Variants in RAD51AP1 observed in about 807,000 individuals in gnomAD.
RAD51AP1 encodes the protein RAD51 associated protein 1.
In RAD51AP1, 14 loss-of-function variants were observed where a neutral mutation model predicts 34.3. The ratio of observed to expected loss-of-function variants is 0.41; its 90% CI spans 0.27 to 0.64. RAD51AP1 has a LOEUF of 0.64. RAD51AP1 is among the 30% of genes least tolerant of loss of function. RAD51AP1 has a pLI of 0.33. For synonymous variants in RAD51AP1, 114 were observed against 129.8 expected (o/e 0.88, Z 0.83); for missense variants, 348 against 386.9 (o/e 0.90, Z 0.84).
intron 3 of RAD51AP1, 70 bp downstream of exon 3, chr12:4,543,974 C>T (rs966305380): frequency 4.6e-6 from 6 of 1,294,492 alleles, no homozygotes; most frequent in Non-Finnish European, 6.2e-6. Flanking sequence ...CAGATTCGAA[C>T]CCTTGATTTA....
intron 7 of RAD51AP1, among the ~76,000 whole-genome samples, chr12:4,554,117 C>G (rs1565527188): frequency 6.6e-6 from 1 of 151,948 alleles, no homozygotes; most frequent in Non-Finnish European, 1.5e-5. Context: ...AAGTGGTTCT[C>G]ACTGGGCTAA....
intron 2 of RAD51AP1, 110 bp downstream of exon 2, chr12:4,542,043 G>T: frequency 1.9e-6 from 1 of 536,246 alleles, no homozygotes. Context: ...TGCATATGAG[G>T]TAGGTCTGGA....
chr12:4,542,487 G>A (rs939517043), intron 2 of RAD51AP1, among the ~76,000 whole-genome samples: 4 of 151,786 alleles, frequency 2.6e-5, no homozygotes, highest in Admixed American at 6.6e-5. Context: ...GTAAGTCTTC[G>A]GTTTGAAGGA....
chr12:4,556,407 C>CA lies in RAD51AP1; in HGVS notation c.782dup (p.Val262GlyfsTer9). ...GTCAAATCAGAATCTCAGTCCTTGCCAAAAAAGGTTTCTCTGTCTTCAGAT... is the reference window on the plus strand; with the variant it reads ...GTCAAATCAGAATCTCAGTCCTTGCCAAAAAAAGGTTTCTCTGTCTTCAGAT... On this transcript the variant is annotated frameshift_variant, in exon 8 of 9. Transcript: ENST00000352618. LOFTEE classifies it high-confidence loss of function. 2 of 1,613,618 alleles carry CA rather than the reference C, an allele frequency of 1.2e-6. No individual in the cohort carries two copies. Among genetic ancestry groups the CA allele is most frequent in the Non-Finnish European group, 8.5e-7 (1 of 1,179,696 alleles).
At chr12:4,548,005 A>C in intron 4 of RAD51AP1, 87 bp from the exon 5 acceptor site, 1 of 1,307,304 alleles carries the variant, frequency 7.6e-7, no homozygotes, top group East Asian at 2.6e-5. Flanking sequence ...TTATATCTAA[A>C]TGCTATTACA....
intron 6 of RAD51AP1, 143 bp downstream of exon 6, chr12:4,548,979 T>C: frequency 1.2e-6 from 1 of 846,436 alleles, no homozygotes; most frequent in Non-Finnish European, 1.7e-6. Context: ...AATTCAGTGA[T>C]AGCATTTGGG....
chr12:4,545,792 G>A, intron 3 of RAD51AP1: 1 of 1,613,184 alleles, frequency 6.2e-7, no homozygotes, highest in Non-Finnish European at 8.5e-7. Context: ...ACTCCCTGAA[G>A]GTACTTTTAG....
Position 4,556,346 on chromosome 12 carries a change from A to T in RAD51AP1, c.722-7A>T. On this transcript the variant is annotated splice_polypyrimidine_tract_variant and splice_region_variant and intron_variant, in intron 7 of 8. Coordinates refer to ENST00000352618, the MANE Select transcript of RAD51AP1 (RefSeq NM_006479.5). ...ACAAACATTTTTACGTATATTTTTC[A>T]AATAAGTGACTTCGGTGGACTCTGC... 6.2e-7 allele frequency: 1 copy of T among 1,605,228 alleles called. No individual in the cohort carries two copies. The highest frequency in any genetic ancestry group is 8.5e-7 in the Non-Finnish European group (1 of 1,175,510).
In RAD51AP1 at chr12:4,558,994, G is replaced by A; in HGVS notation, c.*1G>A. ...GCATCCAAATGCCACTAGCACCTGA[G>A]TGTGGTACAGGAGGAATGTTTGGTT... On this transcript the variant is annotated 3_prime_UTR_variant, in exon 9 of 9. Coordinates refer to ENST00000352618, the MANE Select transcript of RAD51AP1 (RefSeq NM_006479.5). 6.2e-7 allele frequency: 1 copy of A among 1,613,922 alleles called. No individual in the cohort carries two copies. The highest frequency in any genetic ancestry group is 8.5e-7 in the Non-Finnish European group (1 of 1,179,878).
intron 6 of RAD51AP1, among the ~76,000 whole-genome samples, chr12:4,549,889 T>A (rs554149348): frequency 6.6e-6 from 1 of 152,312 alleles, no homozygotes; most frequent in East Asian, 1.9e-4. Flanking sequence ...AAGCAGGATC[T>A]CAGGGAGACA....
At chr12:4,556,130 T>A (rs924333494) in intron 7 of RAD51AP1, among the ~76,000 whole-genome samples, 2 of 152,096 alleles carry the variant, frequency 1.3e-5, no homozygotes, top group Admixed American at 1.3e-4. Flanking sequence ...TGTATTGGAG[T>A]TGTTGTAAAG....
At chr12:4,553,310 C>A in intron 7 of RAD51AP1, 163 bp downstream of exon 7, 1 of 532,678 alleles carries the variant, frequency 1.9e-6, no homozygotes, top group Non-Finnish European at 3.1e-6. Flanking sequence ...GAAAAGCGGA[C>A]AAGAATGCTG....
At chr12:4,549,446 A>G (rs961057941) in intron 6 of RAD51AP1, among the ~76,000 whole-genome samples, 2 of 152,216 alleles carry the variant, frequency 1.3e-5, no homozygotes. Flanking sequence ...ATTTTGATAT[A>G]CTATCAACAA....
intron 6 of RAD51AP1, chr12:4,550,517 C>G (rs969377235): frequency 6.6e-6 from 1 of 152,210 alleles, no homozygotes; most frequent in African/African-American, 2.4e-5. Context: ...TGGGCTGATT[C>G]TCTATAGCAC....
At position 4,558,885 on chromosome 12, in the gene RAD51AP1, C is replaced by T. The variant is rs1010210551; in HGVS notation, c.900C>T (p.Ser300=). 2 of 1,614,036 alleles carry T rather than the reference C, an allele frequency of 1.2e-6. No individual in the cohort carries two copies. The highest frequency in any genetic ancestry group is 1.7e-6 in the Non-Finnish European group (2 of 1,179,942). Residue 300 remains serine, a synonymous_variant, in exon 9 of 9, where the codon AGC becomes AGT. Transcript: ENST00000352618. ...PAASGGSRSS[S]SPLVVVSVKS... ...CATCTGGAGGTAGCAGAAGTAGCAG[C>T]AGCCCACTGGTGGTAGTGTCTGTGA...
chr12:4,543,270 AG>A (rs1944482038), intron 2 of RAD51AP1, among the ~76,000 whole-genome samples: 1 of 152,182 alleles, frequency 6.6e-6, no homozygotes, highest in Non-Finnish European at 1.5e-5. Context: ...CACTTTGGCC[AG>A]GCTGGTCTTG....
chr12:4,556,394 T>G lies in RAD51AP1; in HGVS notation c.763T>G (p.Ser255Ala), dbSNP rs563841490. The G allele has an allele frequency of 4.3e-6, 7 of 1,613,712 alleles. No homozygotes were observed. Among genetic ancestry groups the G allele is most frequent in the Non-Finnish European group, 5.9e-6 (7 of 1,179,740 alleles). The change falls in exon 8 of 9, where the codon TCT becomes GCT. Residue 255 changes from serine (S) to alanine (A), a missense_variant. Transcript: ENST00000352618. ...TGCTCCAGCTGCCGTCAAATCAGAATCTCAGTCCTTGCCAAAAAAGGTTTC... is the reference window on the plus strand; with the variant it reads ...TGCTCCAGCTGCCGTCAAATCAGAAGCTCAGTCCTTGCCAAAAAAGGTTTC... Reference protein sequence around the residue: ...DSAPAAVKSESQSLPKKVSLS... With the variant: ...DSAPAAVKSEAQSLPKKVSLS...
chr12:4,545,807 C>A, intron 3 of RAD51AP1: 1 of 1,613,242 alleles, frequency 6.2e-7, no homozygotes, highest in Non-Finnish European at 8.5e-7. Flanking sequence ...TTTTAGTATT[C>A]CAGCTAGTGC....
chr12:4,542,321 G>A (rs953814059), intron 2 of RAD51AP1, among the ~76,000 whole-genome samples: 1 of 152,100 alleles, frequency 6.6e-6, no homozygotes, highest in Non-Finnish European at 1.5e-5. Flanking sequence ...GAAAGGTTAG[G>A]CTTATGTTAT....
Sources: gnomAD v4.1 joint callset for allele counts (sites outside exome capture counted in the v4.1 genomes callset) on GRCh38, gnomAD v4.1.1 for gene constraint, MANE v1.5 for transcripts, NCBI Gene and HGNC (gene_info 2026-07-23, HGNC 2026-07-21) for gene names.